The following MAML3 variants were observed in gnomAD, a reference collection of about 807,000 sequenced individuals.
The protein encoded by MAML3 is mastermind-like protein 3.
Under a neutral mutation model 101.9 loss-of-function variants are expected in MAML3, and 27 were observed. The ratio of observed to expected loss-of-function variants is 0.27; its 90% confidence interval spans 0.20 to 0.37. The LOEUF is 0.37. Ranked by LOEUF, MAML3 falls within the 10% of genes least tolerant of loss-of-function variation. The probability of loss-of-function intolerance (pLI) is 1.00; values close to 1 mark genes in which losing one functional copy is unlikely to be tolerated. For missense variants in MAML3, 1,316 were observed against 1,444.9 expected (o/e 0.91, Z 1.45); for synonymous variants, 501 against 555.9 (o/e 0.90, Z 1.39).
intron 1 of MAML3, among the ~76,000 whole-genome samples, chr4:139,984,185 C>T (rs1160649071): frequency 1.3e-5 from 2 of 152,054 alleles, no homozygotes; most frequent in Non-Finnish European, 2.9e-5. Context: ...TCAGTTATTG[C>T]TGATGACAGG....
intron 1 of MAML3, among the ~76,000 whole-genome samples, chr4:140,133,341 A>C (rs1302710753): frequency 2.0e-5 from 3 of 152,210 alleles, no homozygotes; most frequent in Non-Finnish European, 1.5e-5. Flanking sequence ...CACTAAAGCT[A>C]TCTGATTGGC....
At chr4:140,053,929 A>G (rs1727310828) in intron 1 of MAML3, among the ~76,000 whole-genome samples, 1 of 152,228 alleles carries the variant, frequency 6.6e-6, no homozygotes, top group South Asian at 2.1e-4. Context: ...GTTTTGGCTC[A>G]TGGGTCAGAA....
rs368733336 is a variant in MAML3 at position 139,719,444 on chromosome 4, T to C, written c.3296A>G (p.Asp1099Gly). Residue 1099 changes from aspartate (D) to glycine (G), a missense_variant, in exon 5 of 5, where the codon GAC (aspartate) becomes GGC (glycine). Transcript: ENST00000509479. ...PQDVSYNYSG[D>G]GAGGSFPGLP... ...GCCAGGGAAGGAACCCCCAGCTCCG[T>C]CGCCACTGTAATTGTATGACACGTC... 2 of 1,613,992 alleles carry C rather than the reference T, an allele frequency of 1.2e-6. No homozygotes were observed. Among genetic ancestry groups the C allele is most frequent in the Admixed American group, 1.7e-5 (1 of 60,014 alleles).
At chr4:140,111,465 A>G (rs1560897152) in intron 1 of MAML3, among the ~76,000 whole-genome samples, 1 of 152,248 alleles carries the variant, frequency 6.6e-6, no homozygotes, top group Non-Finnish European at 1.5e-5. Context: ...ATCCAGGACT[A>G]GAACATTCCA....
At chr4:139,828,071 T>C (rs553077006) in intron 2 of MAML3, among the ~76,000 whole-genome samples, 130 of 152,376 alleles carry the variant, frequency 8.5e-4, no homozygotes, top group African/African-American at 3.0e-3. Context: ...ATAGTAGGGA[T>C]TTAAAAGGTG....
chr4:139,818,340 T>C (rs907558471), intron 2 of MAML3, among the ~76,000 whole-genome samples: 2 of 152,230 alleles, frequency 1.3e-5, no homozygotes, highest in African/African-American at 4.8e-5. Context: ...TTAATGTCTG[T>C]TTTTGTGGTT....
At chr4:139,935,449 T>G (rs546338668) in intron 1 of MAML3, among the ~76,000 whole-genome samples, 51 of 152,158 alleles carry the variant, frequency 3.4e-4, no homozygotes, top group Non-Finnish European at 6.5e-4. Flanking sequence ...GTAAGCTTAA[T>G]ATTCACCAAG....
intron 1 of MAML3, among the ~76,000 whole-genome samples, chr4:139,922,539 C>T (rs1047747213): frequency 7.9e-5 from 12 of 152,148 alleles, no homozygotes; most frequent in African/African-American, 2.9e-4. Flanking sequence ...GGGAATTAGA[C>T]ATACGATTTA....
At chr4:139,919,270 C>G (rs965458505) in intron 1 of MAML3, among the ~76,000 whole-genome samples, 2 of 152,192 alleles carry the variant, frequency 1.3e-5, no homozygotes, top group African/African-American at 4.8e-5. Flanking sequence ...TGAAGGATCT[C>G]TCTAAGTCCC....
intron 1 of MAML3, among the ~76,000 whole-genome samples, chr4:140,107,441 T>C (rs796968334): frequency 2.6e-5 from 4 of 152,166 alleles, no homozygotes; most frequent in African/African-American, 9.6e-5. Flanking sequence ...GTTACCAGTC[T>C]CTTCACCTGT....
At chr4:140,071,460 C>T (rs1727650460) in intron 1 of MAML3, among the ~76,000 whole-genome samples, 1 of 152,176 alleles carries the variant, frequency 6.6e-6, no homozygotes, top group South Asian at 2.1e-4. Flanking sequence ...CCCAGCCCTG[C>T]TATCGTGGAC....
rs185985250 is a variant in MAML3, at chr4:140,130,423, A to G, written c.468+22437T>C. ...GGTACAGTATTATGTTGTATGAGAT[A>G]GTCTCCTAGGAAGAAATTGAGAGTC... On this transcript the variant is annotated intron_variant, in intron 1 of 4. Coordinates refer to ENST00000509479, the MANE Select transcript of MAML3 (RefSeq NM_018717.5). 3.9e-5 allele frequency among the ~76,000 whole-genome samples: 6 copies of G among 152,348 alleles called. No homozygotes were observed. The East Asian group carries it at 1.2e-3, about 29-fold the overall frequency.
At chr4:140,146,408 A>G (rs1401394256) in intron 1 of MAML3, among the ~76,000 whole-genome samples, 5 of 152,190 alleles carry the variant, frequency 3.3e-5, no homozygotes, top group Non-Finnish European at 7.4e-5. Context: ...ATGGAACCCC[A>G]TGATCTTTAA....
Position 140,067,805 on chromosome 4 carries a change from C to T in MAML3, c.468+85055G>A, listed in dbSNP as rs149335658. ...CTGGAGTGCAACAGCACGATCTCTG[C>T]TCACTGCAACCTCCGCCTTCCAGGT... is the stretch of plus-strand genomic sequence containing the variant. On this transcript the variant is annotated intron_variant, in intron 1 of 4. Transcript: ENST00000509479. 9.7e-3 allele frequency among the ~76,000 whole-genome samples: 1,444 copies of T among 149,448 alleles called. 39 individuals are homozygous for T. Among genetic ancestry groups the T allele is most frequent in the African/African-American group, 0.034 (1,380 of 40,400 alleles).
chr4:139,852,237 T>C (rs1731566460), intron 2 of MAML3, among the ~76,000 whole-genome samples: 1 of 152,050 alleles, frequency 6.6e-6, no homozygotes, highest in African/African-American at 2.4e-5. Flanking sequence ...ATTTTGGGGG[T>C]AAGTTTCTTG....
intron 2 of MAML3, among the ~76,000 whole-genome samples, chr4:139,772,043 T>C (rs1004197704): frequency 6.6e-6 from 1 of 150,716 alleles, no homozygotes; most frequent in African/African-American, 2.4e-5. Context: ...ATCCAGACCA[T>C]CCTGGCTAAC....
At chr4:139,782,770 T>C (rs1730240770) in intron 2 of MAML3, among the ~76,000 whole-genome samples, 1 of 152,172 alleles carries the variant, frequency 6.6e-6, no homozygotes, top group Non-Finnish European at 1.5e-5. Flanking sequence ...GGGTGAGGCT[T>C]CACTTAAGAC....
At chr4:139,920,031 A>C (rs1323289805) in intron 1 of MAML3, among the ~76,000 whole-genome samples, 4 of 152,244 alleles carry the variant, frequency 2.6e-5, no homozygotes, top group Non-Finnish European at 2.9e-5. Flanking sequence ...TGTATGCCAT[A>C]ACTGTTTTTC....
chr4:139,827,036 T>C (rs1731073509), intron 2 of MAML3, among the ~76,000 whole-genome samples: 1 of 152,114 alleles, frequency 6.6e-6, no homozygotes, highest in Non-Finnish European at 1.5e-5. Flanking sequence ...GAAAAGGATC[T>C]GGCTAAAGCA....
Sources: allele counts gnomAD v4.1 joint callset (sites outside exome capture counted in the v4.1 genomes callset), GRCh38; gene constraint gnomAD v4.1.1; transcripts MANE v1.5; gene names NCBI Gene and HGNC (gene_info 2026-07-23, HGNC 2026-07-21).